Variants in ABCC4 observed in about 807,000 individuals in gnomAD.
ABCC4 encodes ATP binding cassette subfamily C member 4 (PEL blood group), also known as ATP-binding cassette sub-family C member 4.
In ABCC4, 102 loss-of-function variants were observed where a neutral mutation model predicts 168.5. The observed-to-expected ratio is 0.61, with a 90% CI of 0.52 to 0.71. The LOEUF (loss-of-function observed/expected upper bound fraction) is 0.71, where lower values mean the gene tolerates loss of function less well. ABCC4 is among the 30% of genes least tolerant of loss of function. ABCC4 has a pLI of 0.00. For missense variants in ABCC4, 1,402 were observed against 1,605.8 expected (o/e 0.87, Z 2.17); for synonymous variants, 617 against 590.7 (o/e 1.04, Z -0.65).
At chr13:95,116,143 T>A in intron 19 of ABCC4, 142 bp from the exon 20 acceptor site, 1 of 521,786 alleles carries the variant, frequency 1.9e-6, no homozygotes. Context: ...ATGTCAGTGG[T>A]AAAGAAAAAG....
chr13:95,200,568 A>G (rs1049721358), intron 8 of ABCC4, among the ~76,000 whole-genome samples: 2 of 152,132 alleles, frequency 1.3e-5, no homozygotes, highest in African/African-American at 4.8e-5. Flanking sequence ...TAAAAATACA[A>G]AAGTTAGCCG....
chr13:95,174,255 A>T (rs975207185), intron 13 of ABCC4, among the ~76,000 whole-genome samples: 19 of 152,216 alleles, frequency 1.2e-4, no homozygotes, highest in African/African-American at 2.4e-4. Flanking sequence ...CACAACTCTT[A>T]ACAACTCTCG....
rs1385151777 is a variant in ABCC4, at chr13:95,159,722, C to G, written c.2455+1467G>C. Reference sequence around the variant, plus strand: ...TTTCTAATAACAGCTGAAATCAGACCGATATTTGTGTGGTCTCTGCAGTTT... The same window carrying G: ...TTTCTAATAACAGCTGAAATCAGACGGATATTTGTGTGGTCTCTGCAGTTT... On this transcript the variant is annotated intron_variant, in intron 19 of 30. Transcript: ENST00000645237. Among the ~76,000 whole-genome samples, 11 of 152,172 alleles carry G rather than the reference C, an allele frequency of 7.2e-5. No individual in the cohort carries two copies. The East Asian group carries it at 2.1e-3, about 29-fold the overall frequency.
At chr13:95,269,178 A>G in intron 1 of ABCC4, 2 of 426,184 alleles carry the variant, frequency 4.7e-6, no homozygotes, top group South Asian at 3.2e-5. Flanking sequence ...ATTGAACCCA[A>G]GGGGGTCATG....
chr13:95,089,059 T>C (rs941662108), intron 20 of ABCC4, among the ~76,000 whole-genome samples: 4 of 151,990 alleles, frequency 2.6e-5, no homozygotes, highest in Non-Finnish European at 5.9e-5. Flanking sequence ...TAAACACCGT[T>C]CCAATAAATT....
At chr13:95,148,696 TTC>T (rs1314108069) in intron 19 of ABCC4, among the ~76,000 whole-genome samples, 1 of 150,020 alleles carries the variant, frequency 6.7e-6, no homozygotes, top group Non-Finnish European at 1.5e-5. Flanking sequence ...ACAACCAAAG[TTC>T]TCTCTCATTT....
chr13:95,204,055 G>A (rs2038711651), intron 8 of ABCC4, among the ~76,000 whole-genome samples: 1 of 152,120 alleles, frequency 6.6e-6, no homozygotes, highest in Admixed American at 6.5e-5. Context: ...AGTACCACCA[G>A]GCTCCTGAGA....
chr13:95,216,435 C>A (rs954757532), intron 4 of ABCC4, among the ~76,000 whole-genome samples: 6 of 151,976 alleles, frequency 3.9e-5, no homozygotes, highest in Non-Finnish European at 8.8e-5. Context: ...CAAAATAGTT[C>A]TACCATGAGA....
intron 9 of ABCC4, 104 bp downstream of exon 9, chr13:95,194,732 A>G: frequency 1.2e-6 from 1 of 823,468 alleles, no homozygotes; most frequent in Non-Finnish European, 1.9e-6. Context: ...TCAGTAAATA[A>G]GCAAGCCATA....
chr13:95,021,194 C>G lies in ABCC4; in HGVS notation c.*381G>C, dbSNP rs2031069846. The G allele has an allele frequency of 6.1e-6, 1 of 163,094 alleles. No individual in the cohort carries two copies. Among genetic ancestry groups the G allele is most frequent in the African/African-American group, 2.4e-5 (1 of 41,750 alleles). The allele number at this position is 163,094 out of a possible 1,614,324, so 10.1% of individuals were successfully genotyped here. Reference sequence around the variant, plus strand: ...TCACAGTCTTCAAGTAAATAGAATCCCTGATATAAATGGAAATTAACATGT... The same window carrying G: ...TCACAGTCTTCAAGTAAATAGAATCGCTGATATAAATGGAAATTAACATGT... On this transcript the variant is annotated 3_prime_UTR_variant, in exon 31 of 31. Coordinates refer to ENST00000645237, the MANE Select transcript of ABCC4 (RefSeq NM_005845.5).
chr13:95,046,145 A>G (rs144257196), intron 27 of ABCC4, among the ~76,000 whole-genome samples: 764 of 152,326 alleles, frequency 5.0e-3, no homozygotes, highest in Non-Finnish European at 8.7e-3. Context: ...TCACAGACCT[A>G]TACCCCATGT....
chr13:95,021,864 C>T (rs915569197), intron 30 of ABCC4, among the ~76,000 whole-genome samples, 182 bp from the exon 31 acceptor site: 2 of 152,224 alleles, frequency 1.3e-5, no homozygotes, highest in African/African-American at 4.8e-5. Flanking sequence ...AAACCCTCAG[C>T]AGGGCTGGGC....
intron 26 of ABCC4, among the ~76,000 whole-genome samples, chr13:95,057,882 A>G (rs1356737593): frequency 6.6e-6 from 1 of 152,222 alleles, no homozygotes; most frequent in East Asian, 1.9e-4. Flanking sequence ...GACACAAGCC[A>G]TTTGGCTTTC....
intron 4 of ABCC4, among the ~76,000 whole-genome samples, chr13:95,230,404 G>T (rs994672437): frequency 6.6e-6 from 1 of 152,158 alleles, no homozygotes; most frequent in Admixed American, 6.5e-5. Context: ...CAGTATGATG[G>T]TTCCTCAAAA....
At chr13:95,236,705 C>A (rs1206489247) in intron 3 of ABCC4, among the ~76,000 whole-genome samples, 2 of 152,058 alleles carry the variant, frequency 1.3e-5, no homozygotes, top group Non-Finnish European at 2.9e-5. Flanking sequence ...CAGAAAATAC[C>A]ATTTAGTTGA....
At position 95,062,835 on chromosome 13, in the gene ABCC4, C is replaced by T. The variant is rs980695905; in HGVS notation, c.3235G>A (p.Ala1079Thr). 6.2e-7 allele frequency: 1 copy of T among 1,613,444 alleles called. No individual in the cohort carries two copies. The highest frequency in any genetic ancestry group is 8.5e-7 in the Non-Finnish European group (1 of 1,179,826). Reference sequence around the variant, plus strand: ...GCTGAGATGAGGGAACTTTTTCCAGCTCCGGTTCTTCCCACAATGCCAACC... The same window carrying T: ...GCTGAGATGAGGGAACTTTTTCCAGTTCCGGTTCTTCCCACAATGCCAACC... ...EKVGIVGRTG[A>T]GKSSLISALF... The change falls in exon 26 of 31, where the codon GCT (alanine) becomes ACT (threonine). Residue 1079 changes from alanine to threonine, a missense_variant. Physicochemically the swap from Ala to Thr is moderately conservative, Grantham distance 58. Coordinates refer to ENST00000645237, the MANE Select transcript of ABCC4 (RefSeq NM_005845.5).
At chr13:95,146,502 C>A (rs1435679213) in intron 19 of ABCC4, among the ~76,000 whole-genome samples, 2 of 152,182 alleles carry the variant, frequency 1.3e-5, no homozygotes, top group Non-Finnish European at 1.5e-5. Context: ...ACACTCCTGG[C>A]CTACCAAGAT....
chr13:95,266,424 T>C (rs2040676296), intron 1 of ABCC4, among the ~76,000 whole-genome samples: 1 of 152,182 alleles, frequency 6.6e-6, no homozygotes, highest in African/African-American at 2.4e-5. Context: ...CAGCCTGGAT[T>C]TTTTACCTTC....
At chr13:95,057,400 C>T (rs60383375) in intron 26 of ABCC4, among the ~76,000 whole-genome samples, 3,914 of 152,180 alleles carry the variant, frequency 0.026, 169 homozygotes, top group African/African-American at 0.09. Context: ...CCACCACGTC[C>T]GGCTAATTTT....
Sources: gnomAD v4.1 joint callset for allele counts (sites outside exome capture counted in the v4.1 genomes callset) on GRCh38, gnomAD v4.1.1 for gene constraint, MANE v1.5 for transcripts, NCBI Gene and HGNC (gene_info 2026-07-23, HGNC 2026-07-21) for gene names.